NKTR: variants seen among roughly 807,000 people sequenced by gnomAD.
NKTR encodes NK-tumor recognition protein.
Under a neutral mutation model 156.3 loss-of-function variants are expected in NKTR, and 67 were observed. The ratio of observed to expected loss-of-function variants is 0.43; its 90% CI spans 0.35 to 0.53. NKTR has a LOEUF of 0.53. Ranked by LOEUF, NKTR falls within the 20% of genes least tolerant of loss-of-function variation. The pLI, the probability that NKTR is intolerant of heterozygous loss-of-function variation, is 0.01. For missense variants in NKTR, 1,604 were observed against 1,730.9 expected (o/e 0.93, Z 1.30); for synonymous variants, 640 against 596.6 (o/e 1.07, Z -1.06).
chr3:42,628,066 T>C, intron 6 of NKTR: 1 of 985,436 alleles, frequency 1.0e-6, no homozygotes, highest in East Asian at 1.1e-4. Context: ...CTGCTTTACA[T>C]TGGGATTTCT....
intron 2 of NKTR, among the ~76,000 whole-genome samples, chr3:42,608,491 T>A (rs1007904955): frequency 6.6e-6 from 1 of 152,174 alleles, no homozygotes; most frequent in Non-Finnish European, 1.5e-5. Context: ...TGCATGGGCC[T>A]TCTGGACATG....
chr3:42,603,778 C>G (rs1260942801), intron 2 of NKTR, among the ~76,000 whole-genome samples: 3 of 148,220 alleles, frequency 2.0e-5, no homozygotes, highest in Non-Finnish European at 4.4e-5. Context: ...CTTTTTCACC[C>G]AGGCTGGAGT....
intron 2 of NKTR, among the ~76,000 whole-genome samples, chr3:42,617,191 G>T (rs989197013): frequency 6.6e-6 from 1 of 152,174 alleles, no homozygotes; most frequent in African/African-American, 2.4e-5. Context: ...ACTGTCTTTT[G>T]ATGTACTCTC....
intron 2 of NKTR, among the ~76,000 whole-genome samples, chr3:42,608,936 G>T (rs1258097185): frequency 6.6e-6 from 1 of 152,132 alleles, no homozygotes; most frequent in Non-Finnish European, 1.5e-5. Context: ...GACAAGCCTG[G>T]CCAACGTGGT....
chr3:42,625,070 G>A (rs1344700697), intron 6 of NKTR, among the ~76,000 whole-genome samples: 2 of 152,172 alleles, frequency 1.3e-5, no homozygotes, highest in African/African-American at 4.8e-5. Flanking sequence ...ATTTTGTAGG[G>A]TAGTTGTAAG....
In NKTR at chr3:42,648,127, A is replaced by G. The variant is rs1408515382; in HGVS notation, c.*2152A>G. Reference sequence around the variant, plus strand: ...CAAACCAGCCTTCCTGCTCTTTCTCATGCTTCATATCTCTCTCCCGTCCTC... The same window carrying G: ...CAAACCAGCCTTCCTGCTCTTTCTCGTGCTTCATATCTCTCTCCCGTCCTC... On this transcript the variant is annotated 3_prime_UTR_variant, in exon 17 of 17. Transcript: ENST00000232978. 6.6e-6 allele frequency: 1 copy of G among 152,082 alleles called. No individual in the cohort carries two copies. Among genetic ancestry groups the G allele is most frequent in the African/African-American group, 2.4e-5 (1 of 41,388 alleles). 9.4% of individuals were successfully genotyped at this position (152,082 alleles called of 1,614,324 possible). A position where few individuals can be genotyped will look rare whatever the true frequency, so the allele number is the denominator to read the frequency against.
intron 2 of NKTR, among the ~76,000 whole-genome samples, chr3:42,617,365 G>A (rs558948911): frequency 5.1e-4 from 77 of 152,292 alleles, no homozygotes; most frequent in African/African-American, 1.6e-3. Context: ...CAATTTGGCT[G>A]CATGTAAATT....
chr3:42,618,997 C>CTT (rs10712209), intron 3 of NKTR, 23 bp from the exon 4 acceptor site: 3,781 of 1,349,462 alleles, frequency 2.8e-3, no homozygotes, highest in South Asian at 3.9e-3. Flanking sequence ...AACTTCATTT[C>CTT]TTTTTTTTTT....
chr3:42,619,913 C>G, intron 5 of NKTR: 1 of 1,445,596 alleles, frequency 6.9e-7, no homozygotes, highest in Non-Finnish European at 9.1e-7. Context: ...TTAAGGCTAA[C>G]TTTATGGTTA....
At position 42,643,395 on chromosome 3, in the gene NKTR, G is replaced by C. The variant is rs1476682443; in HGVS notation, c.4199G>C (p.Arg1400Thr). ...TCATATGATCCCCACAGTCGATCCA[G>C]GTATGAACAGGGATTGGGAAACCAC... is the stretch of plus-strand genomic sequence containing the variant. ...SSSYDPHSRS[R>T]SYTYDSYYSR... Residue 1400 changes from arginine to threonine, a missense_variant and splice_region_variant, in exon 15 of 17, where the codon AGG (arginine) becomes ACG (threonine). This residue lies in a region of NKTR where 193 missense variants were observed against 220.2 expected (regional missense o/e 0.88). Transcript: ENST00000232978. 6.2e-7 allele frequency: 1 copy of C among 1,613,274 alleles called. No homozygotes were observed. Among genetic ancestry groups the C allele is most frequent in the Non-Finnish European group, 8.5e-7 (1 of 1,179,362 alleles).
At position 42,638,496 on chromosome 3, in the gene NKTR, C is replaced by G; in HGVS notation, c.2792C>G (p.Pro931Arg). 6.2e-7 allele frequency: 1 copy of G among 1,611,466 alleles called. No individual in the cohort carries two copies. Among genetic ancestry groups the G allele is most frequent in the East Asian group, 2.2e-5 (1 of 44,870 alleles). Reference sequence around the variant, plus strand: ...AGTGAAATTCACATCAAAGTCAAACCCACAACCAAGTCGTCCACAAATACT... The same window carrying G: ...AGTGAAATTCACATCAAAGTCAAACGCACAACCAAGTCGTCCACAAATACT... ...EVSEIHIKVK[P>R]TTKSSTNTSL... The change falls in exon 13 of 17, where the codon CCC becomes CGC. Residue 931 changes from proline (P) to arginine (R), a missense_variant. Around this residue, in one of 6 missense-constraint regions of NKTR, gnomAD observed 1,255 missense variants for 1,243.7 expected, o/e 1.01. Coordinates refer to ENST00000232978, the MANE Select transcript of NKTR (RefSeq NM_005385.4).
At chr3:42,632,980 T>C in intron 9 of NKTR, 157 bp downstream of exon 9, 2 of 1,308,074 alleles carry the variant, frequency 1.5e-6, no homozygotes, top group Middle Eastern at 2.9e-4. Context: ...TAGGAGTAGG[T>C]AGCATAGGCA....
intron 2 of NKTR, among the ~76,000 whole-genome samples, chr3:42,607,885 G>T (rs1004880731): frequency 2.1e-5 from 3 of 144,402 alleles, no homozygotes; most frequent in Non-Finnish European, 4.5e-5. Context: ...CCTGGAGTTA[G>T]TGTCATATTC....
At chr3:42,617,698 T>C (rs1707506376) in intron 3 of NKTR, 54 bp downstream of exon 3, 1 of 908,546 alleles carries the variant, frequency 1.1e-6, no homozygotes, top group Non-Finnish European at 1.8e-6. Flanking sequence ...TTTACCTTGC[T>C]GAACAGAATA....
chr3:42,647,303 G>GTGTGTGTGTGTGTGTGTGTGTGTGGT lies in NKTR; in HGVS notation c.*1329_*1330insGTGTGTGTGTGTGTGTGTGTGTGGTT, dbSNP rs796657249. ...GTGTGTGTGTGTGTGTGTGTGTGTG[G>GTGTGTGTGTGTGTGTGTGTGTGTGGT]TTTTTTTTTTTAATCTTTACTTTGA... On this transcript the variant is annotated 3_prime_UTR_variant, in exon 17 of 17. Coordinates refer to ENST00000232978, the MANE Select transcript of NKTR (RefSeq NM_005385.4). 3.0e-5 allele frequency: 3 copies of GTGTGTGTGTGTGTGTGTGTGTGTGGT among 101,244 alleles called. 1 individual carries two copies. Among genetic ancestry groups the GTGTGTGTGTGTGTGTGTGTGTGTGGT allele is most frequent in the African/African-American group, 1.2e-4 (3 of 25,942 alleles). 6.3% of individuals were successfully genotyped at this position (101,244 alleles called of 1,614,324 possible). A position where few individuals can be genotyped will look rare whatever the true frequency, so the allele number is the denominator to read the frequency against.
chr3:42,645,847 A>G, intron 16 of NKTR, 41 bp from the exon 17 acceptor site: 2 of 1,393,024 alleles, frequency 1.4e-6, no homozygotes, highest in Non-Finnish European at 2.0e-6. Flanking sequence ...CAAAGATTTT[A>G]CAGTTACAAG....
chr3:42,643,384 C>T lies in NKTR; in HGVS notation c.4188C>T (p.His1396=). 2 of 1,613,896 alleles carry T rather than the reference C, an allele frequency of 1.2e-6. No homozygotes were observed. The highest frequency in any genetic ancestry group is 1.7e-6 in the Non-Finnish European group (2 of 1,179,772). ...SRSRSSSYDP[H]SRSRSYTYDS... Reference sequence around the variant, plus strand: ...CCAGGAGCAGCTCATATGATCCCCACAGTCGATCCAGGTATGAACAGGGAT... The same window carrying T: ...CCAGGAGCAGCTCATATGATCCCCATAGTCGATCCAGGTATGAACAGGGAT... The change falls in exon 15 of 17, where the codon CAC becomes CAT. Residue 1396 remains histidine, a synonymous_variant. Coordinates refer to ENST00000232978, the MANE Select transcript of NKTR (RefSeq NM_005385.4).
chr3:42,632,553 G>T, intron 8 of NKTR, 48 bp from the exon 9 acceptor site: 1 of 1,134,296 alleles, frequency 8.8e-7, no homozygotes, highest in South Asian at 1.4e-5. Flanking sequence ...ACTCTGAAAG[G>T]TAGGCACTGA....
At chr3:42,629,358 G>C in intron 6 of NKTR, 1 of 946,684 alleles carries the variant, frequency 1.1e-6, no homozygotes, top group Non-Finnish European at 1.3e-6. Flanking sequence ...TTCTTAAGTT[G>C]ACATTTTAAT....
Sources: allele counts gnomAD v4.1 joint callset (sites outside exome capture counted in the v4.1 genomes callset), GRCh38; gene constraint gnomAD v4.1.1; regional missense constraint gnomAD v4.1.1; transcripts MANE v1.5; gene names NCBI Gene and HGNC (gene_info 2026-07-23, HGNC 2026-07-21).